SAR1B: variants seen among roughly 807,000 people sequenced by gnomAD.
SAR1B encodes the protein secretion associated Ras related GTPase 1B.
SAR1B carries 23 observed loss-of-function variants against 26.8 expected under a neutral mutation model. The observed-to-expected ratio is 0.86, with a 90% CI of 0.62 to 1.22. The LOEUF (loss-of-function observed/expected upper bound fraction) is 1.22. Among genes scored for constraint, SAR1B ranks in the 50% most tolerant of loss-of-function variants. The pLI is 0.00. For missense variants in SAR1B, 196 were observed against 232.8 expected (o/e 0.84, Z 1.03); for synonymous variants, 65 against 80.8 (o/e 0.80, Z 1.05).
At chr5:134,619,303 C>T (rs1217384921) in intron 3 of SAR1B, among the ~76,000 whole-genome samples, 3 of 132,876 alleles carry the variant, frequency 2.3e-5, no homozygotes, top group Non-Finnish European at 5.0e-5. Flanking sequence ...TGCTCTCCAG[C>T]GTGGGCAACA....
chr5:134,624,082 A>G, intron 1 of SAR1B, 45 bp from the exon 2 acceptor site: 1 of 1,047,592 alleles, frequency 9.5e-7, no homozygotes, highest in Non-Finnish European at 1.5e-6. Flanking sequence ...TTAAACACCA[A>G]TATACATTAA....
intron 1 of SAR1B, among the ~76,000 whole-genome samples, chr5:134,630,787 A>AG (rs1190264212): frequency 1.3e-5 from 2 of 151,238 alleles, no homozygotes; most frequent in East Asian, 3.9e-4. Flanking sequence ...TCAAAAAAAA[A>AG]AAAAAAGAAA....
intron 1 of SAR1B, among the ~76,000 whole-genome samples, chr5:134,630,594 C>T (rs899303029): frequency 1.3e-5 from 2 of 151,174 alleles, no homozygotes; most frequent in African/African-American, 4.9e-5. Context: ...ACCAGCCTGG[C>T]CAACATGGTG....
chr5:134,619,960 G>T (rs2150053847), intron 3 of SAR1B, among the ~76,000 whole-genome samples: 1 of 151,986 alleles, frequency 6.6e-6, no homozygotes, highest in South Asian at 2.1e-4. Flanking sequence ...CAACCTACAT[G>T]ACAGAGCAAG....
chr5:134,608,993 T>C (rs1765172855), intron 5 of SAR1B: 1 of 429,514 alleles, frequency 2.3e-6, no homozygotes, highest in African/African-American at 2.0e-5. Context: ...TTTCCACACG[T>C]ACAAGTATTT....
chr5:134,611,098 A>G (rs1001521736), intron 4 of SAR1B, among the ~76,000 whole-genome samples: 3 of 152,110 alleles, frequency 2.0e-5, no homozygotes, highest in Non-Finnish European at 4.4e-5. Context: ...CCTGGCTTCA[A>G]GTGATCCTCC....
chr5:134,622,258 A>AT, intron 2 of SAR1B, among the ~76,000 whole-genome samples: 1 of 152,262 alleles, frequency 6.6e-6, no homozygotes, highest in East Asian at 1.9e-4. Flanking sequence ...CTATATATAT[A>AT]TTTTATCATT....
In SAR1B at chr5:134,607,037, G is replaced by A. The variant is rs759070201; in HGVS notation, c.510C>T (p.Ala170=). 3.8e-5 allele frequency: 62 copies of A among 1,613,676 alleles called. No homozygotes were observed. In the Admixed American group the frequency reaches 9.8e-4, roughly 26 times the overall value. The part of the protein sequence containing the change: ...KGSISLKELN[A]RPLEVFMCSV... ...TACACATGAAAACTTCTAAGGGTCG[G>A]GCATTCAGTTCTTTCAGAGATATAC... The change falls in exon 7 of 7, where the codon GCC becomes GCT. Residue 170 remains alanine (A), a synonymous_variant. Coordinates refer to ENST00000402673, the MANE Select transcript of SAR1B (RefSeq NM_016103.4).
At chr5:134,620,663 C>T (rs1418541093) in intron 3 of SAR1B, among the ~76,000 whole-genome samples, 1 of 152,090 alleles carries the variant, frequency 6.6e-6, no homozygotes, top group African/African-American at 2.4e-5. Context: ...GAGTTCAAGA[C>T]CACCCTGGGA....
At chr5:134,622,702 G>T (rs1176613342) in intron 2 of SAR1B, among the ~76,000 whole-genome samples, 1 of 150,972 alleles carries the variant, frequency 6.6e-6, no homozygotes, top group Non-Finnish European at 1.5e-5. Context: ...GAGCCACCGC[G>T]CCCGGCCTTA....
chr5:134,605,011 G>C lies in SAR1B; in HGVS notation c.*1939C>G, dbSNP rs1013679762. On this transcript the variant is annotated 3_prime_UTR_variant, in exon 7 of 7. Transcript: ENST00000402673. ...TCCCATAGTGTTACTGAGGTTTCCA[G>C]GAAGGGAGGGAGCACTTTTGTTTTC... 1 of 152,202 alleles carries C rather than the reference G, an allele frequency of 6.6e-6. No homozygotes were observed. Among genetic ancestry groups the C allele is most frequent in the Non-Finnish European group, 1.5e-5 (1 of 68,034 alleles). The allele number at this position is 152,202 out of a possible 1,614,324, so 9.4% of individuals were successfully genotyped here.
In SAR1B at chr5:134,619,834, A is replaced by G. The variant is rs977415804; in HGVS notation, c.178+1099T>C. 2.6e-5 allele frequency among the ~76,000 whole-genome samples: 4 copies of G among 152,236 alleles called. No individual in the cohort carries two copies. The South Asian group carries it at 6.2e-4, about 24-fold the overall frequency. The stretch of plus-strand genomic sequence containing the variant: ...TGTATCTACTGAATTAGTGCTTAAA[A>G]TAGTACATGGTGCAATGGCTCCTAT... On this transcript the variant is annotated intron_variant, in intron 3 of 6. Transcript: ENST00000402673.
intron 6 of SAR1B, 69 bp downstream of exon 6, chr5:134,608,303 T>C (rs899958092): frequency 4.1e-6 from 6 of 1,446,366 alleles, no homozygotes; most frequent in Non-Finnish European, 2.8e-6. Context: ...AGTTGGACAA[T>C]AGTAATTTAA....
intron 1 of SAR1B, among the ~76,000 whole-genome samples, chr5:134,628,162 A>G (rs1433588322): frequency 6.6e-6 from 1 of 152,064 alleles, no homozygotes; most frequent in Non-Finnish European, 1.5e-5. Context: ...AAGAAAAAAA[A>G]TACATATTTA....
chr5:134,608,836 G>A (rs1296500674), intron 5 of SAR1B: 3 of 381,220 alleles, frequency 7.9e-6, no homozygotes, highest in African/African-American at 2.1e-5. Flanking sequence ...AAGTTAGCCT[G>A]ACTGAAGCTC....
chr5:134,612,685 T>TAAA lies in SAR1B; in HGVS notation c.244+5_244+6insTTT. 9.9e-6 allele frequency: 4 copies of TAAA among 404,026 alleles called. No individual in the cohort carries two copies. The highest frequency in any genetic ancestry group is 1.7e-5 in the Non-Finnish European group (4 of 237,330). The allele number at this position is 404,026 out of a possible 1,614,324, so 25.0% of individuals were successfully genotyped here. A position where few individuals can be genotyped will look rare whatever the true frequency, so the allele number is the denominator to read the frequency against. On this transcript the variant is annotated splice_donor_region_variant and intron_variant, in intron 4 of 6. Coordinates refer to ENST00000402673, the MANE Select transcript of SAR1B (RefSeq NM_016103.4). The stretch of plus-strand genomic sequence containing the variant: ...AAAAAAAAAAAAAAAAAAAAAAGAA[T>TAAA]CTTACCTTGAACATGTCCACCCAGA...
At chr5:134,610,515 C>A (rs913516267) in intron 4 of SAR1B, among the ~76,000 whole-genome samples, 1 of 147,816 alleles carries the variant, frequency 6.8e-6, no homozygotes. Context: ...GGCAGTGAGC[C>A]GAGATCATGC....
At chr5:134,626,592 GTC>G (rs1765498458) in intron 1 of SAR1B, among the ~76,000 whole-genome samples, 1 of 152,160 alleles carries the variant, frequency 6.6e-6, no homozygotes. Context: ...AACAGGAAAA[GTC>G]TCTCTGCAGA....
chr5:134,622,465 C>CAATG (rs1765426405), intron 2 of SAR1B, among the ~76,000 whole-genome samples: 1 of 145,952 alleles, frequency 6.9e-6, no homozygotes, highest in Non-Finnish European at 1.5e-5. Context: ...GGATGGAGTG[C>CAATG]AATGGCATGA....
Sources: allele counts gnomAD v4.1 joint callset (sites outside exome capture counted in the v4.1 genomes callset), GRCh38; gene constraint gnomAD v4.1.1; transcripts MANE v1.5; gene names NCBI Gene and HGNC (gene_info 2026-07-23, HGNC 2026-07-21).